The following ATP9B variants were observed in gnomAD, a reference collection of about 807,000 sequenced individuals.
ATP9B encodes the protein probable phospholipid-transporting ATPase IIB.
ATP9B carries 110 observed loss-of-function variants against 146.1 expected under a neutral mutation model. The ratio of observed to expected loss-of-function variants is 0.75; its 90% confidence interval spans 0.65 to 0.88. ATP9B has a LOEUF of 0.88. ATP9B is among the 40% of genes least tolerant of loss of function. ATP9B has a pLI of 0.00. For synonymous variants in ATP9B, 604 were observed against 569.7 expected (o/e 1.06, Z -0.86); for missense variants, 1,499 against 1,496.4 (o/e 1.00, Z -0.03).
chr18:79,150,504 G>A (rs967439650), intron 6 of ATP9B, among the ~76,000 whole-genome samples: 26 of 152,262 alleles, frequency 1.7e-4, no homozygotes, highest in South Asian at 8.3e-4. Flanking sequence ...GTAGCTGTGC[G>A]TTCACACCGT....
At chr18:79,372,163 C>G (rs1470352982) in intron 26 of ATP9B, among the ~76,000 whole-genome samples, 1 of 150,580 alleles carries the variant, frequency 6.6e-6, no homozygotes. Context: ...CAAGCAACCC[C>G]GTGGGCCAGA....
At chr18:79,207,416 T>C (rs1222801492) in intron 10 of ATP9B, among the ~76,000 whole-genome samples, 6 of 152,118 alleles carry the variant, frequency 3.9e-5, no homozygotes, top group South Asian at 2.1e-4. Context: ...GTGGCTGAAG[T>C]GACTGTGGAA....
chr18:79,252,626 T>G (rs1050489911), intron 11 of ATP9B, among the ~76,000 whole-genome samples: 1 of 152,222 alleles, frequency 6.6e-6, no homozygotes, highest in Admixed American at 6.5e-5. Flanking sequence ...CTATACAGAA[T>G]GCAGCCAAAA....
At chr18:79,121,014 TACTC>T (rs2094179021) in intron 4 of ATP9B, among the ~76,000 whole-genome samples, 2 of 152,214 alleles carry the variant, frequency 1.3e-5, no homozygotes, top group Admixed American at 6.5e-5. Context: ...TAAGGTTACT[TACTC>T]ACTTTGTGTC....
intron 1 of ATP9B, among the ~76,000 whole-genome samples, chr18:79,093,332 A>G (rs190516138): frequency 1.3e-5 from 2 of 152,042 alleles, no homozygotes; most frequent in African/African-American, 2.4e-5. Flanking sequence ...CTGCTTTCAC[A>G]GTTCTTTTCT....
intron 14 of ATP9B, among the ~76,000 whole-genome samples, chr18:79,304,244 A>G (rs1222950033): frequency 2.0e-5 from 3 of 152,110 alleles, no homozygotes; most frequent in Non-Finnish European, 4.4e-5. Context: ...AAGCTCAAAT[A>G]TCACATTCTT....
intron 13 of ATP9B, among the ~76,000 whole-genome samples, chr18:79,298,378 G>T (rs539978878): frequency 6.9e-6 from 1 of 145,952 alleles, no homozygotes; most frequent in Non-Finnish European, 1.5e-5. Context: ...TGAAAAAAGC[G>T]CGGTACTTAG....
chr18:79,108,313 TTTCA>T (rs908785515), intron 2 of ATP9B, among the ~76,000 whole-genome samples: 5 of 152,214 alleles, frequency 3.3e-5, no homozygotes, highest in African/African-American at 1.2e-4. Context: ...TTAATTTTTC[TTTCA>T]TTCAAGCATA....
chr18:79,109,704 T>C lies in ATP9B; in HGVS notation c.294-651T>C, dbSNP rs568788480. On this transcript the variant is annotated intron_variant, in intron 2 of 29. Coordinates refer to ENST00000426216, the MANE Select transcript of ATP9B (RefSeq NM_198531.5). ...CCTCAGCCTCCTGAGTAGCTGGGATTACAGGTGCCTGCCACCATGGCTGGC... is the reference window on the plus strand; with the variant it reads ...CCTCAGCCTCCTGAGTAGCTGGGATCACAGGTGCCTGCCACCATGGCTGGC... Among the ~76,000 whole-genome samples, 90 of 152,146 alleles carry C rather than the reference T, an allele frequency of 5.9e-4. 1 individual carries two copies. The highest frequency in any genetic ancestry group is 8.8e-5 in the Non-Finnish European group (6 of 68,004).
At chr18:79,117,962 T>C (rs974113085) in intron 4 of ATP9B, 10 of 152,250 alleles carry the variant, frequency 6.6e-5, no homozygotes, top group Admixed American at 1.3e-4. Context: ...TATCTTAATC[T>C]GTGTGGCCTA....
rs116242311 is a variant in ATP9B, at chr18:79,371,027, C to T, written c.3013-1798C>T. On this transcript the variant is annotated intron_variant, in intron 26 of 29. Transcript: ENST00000426216. The stretch of plus-strand genomic sequence containing the variant: ...CCTTGGGAAATACGTACCAAGAGAA[C>T]TTATTTGGAGTATATAAATGGTTTA... Among the ~76,000 whole-genome samples, 1,475 of 152,302 alleles carry T rather than the reference C, an allele frequency of 9.7e-3. 30 individuals carry two copies. The highest frequency in any genetic ancestry group is 0.034 in the African/African-American group (1,417 of 41,548).
At chr18:79,312,377 A>G (rs1473731085) in intron 15 of ATP9B, among the ~76,000 whole-genome samples, 1 of 152,226 alleles carries the variant, frequency 6.6e-6, no homozygotes, top group Non-Finnish European at 1.5e-5. Flanking sequence ...GGCTGCGCCA[A>G]GCTTGTATGG....
intron 12 of ATP9B, among the ~76,000 whole-genome samples, chr18:79,272,918 T>G (rs150891626): frequency 2.4e-4 from 36 of 152,342 alleles, no homozygotes; most frequent in Non-Finnish European, 5.1e-4. Flanking sequence ...CACAGTTACC[T>G]ATGCCTCCTC....
chr18:79,270,542 C>CT (rs1284207871), intron 12 of ATP9B, among the ~76,000 whole-genome samples: 3 of 152,026 alleles, frequency 2.0e-5, no homozygotes, highest in Non-Finnish European at 2.9e-5. Flanking sequence ...TTCATTTATT[C>CT]TTTTTTTCTC....
At position 79,110,609 on chromosome 18, in the gene ATP9B, T is replaced by G; in HGVS notation, c.444+104T>G. On this transcript the variant is annotated intron_variant, in intron 3 of 29. Coordinates refer to ENST00000426216, the MANE Select transcript of ATP9B (RefSeq NM_198531.5). ...AGACTCTGACTTAGGTATTGAGTTG[T>G]GTCACATCCAAATCAGTGTCCTTTT... The G allele has an allele frequency of 2.7e-6, 3 of 1,108,098 alleles. No individual in the cohort carries two copies. In the South Asian group the frequency reaches 6.2e-5, roughly 23 times the overall value. 68.6% of individuals were successfully genotyped at this position (1,108,098 alleles called of 1,614,324 possible).
chr18:79,184,275 A>T (rs2095282553), intron 8 of ATP9B, among the ~76,000 whole-genome samples: 1 of 152,232 alleles, frequency 6.6e-6, no homozygotes, highest in Non-Finnish European at 1.5e-5. Context: ...ATGCACAAAG[A>T]CCTAGCAGAG....
intron 8 of ATP9B, among the ~76,000 whole-genome samples, chr18:79,182,544 A>C (rs1236533454): frequency 2.0e-5 from 3 of 152,092 alleles, no homozygotes; most frequent in Non-Finnish European, 4.4e-5. Context: ...TGTGGGGCAC[A>C]TGGCTTTGTT....
chr18:79,288,641 A>G (rs557367288), intron 13 of ATP9B, among the ~76,000 whole-genome samples: 1 of 152,212 alleles, frequency 6.6e-6, no homozygotes, highest in South Asian at 2.1e-4. Context: ...TTATGTGTGA[A>G]TTTGATCCTG....
chr18:79,244,404 A>C (rs1026488390), intron 11 of ATP9B, among the ~76,000 whole-genome samples: 2 of 152,092 alleles, frequency 1.3e-5, no homozygotes, highest in African/African-American at 4.8e-5. Flanking sequence ...TCAATATCTC[A>C]CATTCTGAAC....
Sources: allele counts gnomAD v4.1 joint callset (sites outside exome capture counted in the v4.1 genomes callset), GRCh38; gene constraint gnomAD v4.1.1; transcripts MANE v1.5; gene names NCBI Gene and HGNC (gene_info 2026-07-23, HGNC 2026-07-21).